Variants in SETBP1 observed in about 807,000 individuals in gnomAD.
SETBP1 encodes SET binding protein 1.
In SETBP1, 9 loss-of-function variants were observed where a neutral mutation model predicts 101.0. That is an observed-to-expected ratio of 0.09 (90% CI 0.05 to 0.16). The LOEUF (loss-of-function observed/expected upper bound fraction) is 0.16. Among genes scored for constraint, SETBP1 ranks in the 10% least tolerant of loss-of-function variants. The probability of loss-of-function intolerance (pLI) is 1.00; values close to 1 mark genes in which losing one functional copy is unlikely to be tolerated. For missense variants in SETBP1, 1,858 were observed against 2,033.8 expected, an observed-to-expected ratio of 0.91 and a Z score of 1.66; for synonymous variants, 818 against 788.5, an observed-to-expected ratio of 1.04 and a Z score of -0.63.
intron 3 of SETBP1, among the ~76,000 whole-genome samples, chr18:44,878,195 A>G (rs2069452960): frequency 6.6e-6 from 1 of 152,214 alleles, no homozygotes; most frequent in South Asian, 2.1e-4. Flanking sequence ...AGTGAGGCCA[A>G]CTGGTTGAAG....
chr18:44,787,726 C>T (rs1336104767), intron 2 of SETBP1, among the ~76,000 whole-genome samples: 12 of 145,788 alleles, frequency 8.2e-5, no homozygotes, highest in African/African-American at 2.3e-4. Context: ...CGGTGGCGGG[C>T]GCCTGTAGTC....
chr18:44,689,644 C>T (rs1021839234), intron 1 of SETBP1, among the ~76,000 whole-genome samples: 9 of 152,046 alleles, frequency 5.9e-5, no homozygotes, highest in African/African-American at 1.7e-4. Flanking sequence ...AGTGGGAGCC[C>T]GAGGGGTTTA....
chr18:44,826,315 C>CA (rs2072236416), intron 2 of SETBP1, among the ~76,000 whole-genome samples: 1 of 152,208 alleles, frequency 6.6e-6, no homozygotes, highest in Non-Finnish European at 1.5e-5. Flanking sequence ...CCACCTCCGT[C>CA]AGTCCCTGGC....
chr18:44,934,303 C>G (rs1033502016), intron 3 of SETBP1, among the ~76,000 whole-genome samples: 1 of 152,150 alleles, frequency 6.6e-6, no homozygotes, highest in Non-Finnish European at 1.5e-5. Context: ...TGCACATCAG[C>G]ATGCCCAGCT....
At chr18:44,879,352 A>G (rs1483409328) in intron 3 of SETBP1, among the ~76,000 whole-genome samples, 1 of 152,206 alleles carries the variant, frequency 6.6e-6, no homozygotes, top group Non-Finnish European at 1.5e-5. Context: ...TTTAACTTTT[A>G]TGGCCAGAGT....
upstream of SETBP1, chr18:44,680,163 G>A (rs889325228): frequency 2.1e-5 from 3 of 142,980 alleles, no homozygotes; most frequent in African/African-American, 7.5e-5. Flanking sequence ...AGGCGGCAGA[G>A]TCGGGCGGGA....
At chr18:45,004,798 G>A (rs538427981) in intron 4 of SETBP1, among the ~76,000 whole-genome samples, 7 of 152,306 alleles carry the variant, frequency 4.6e-5, no homozygotes, top group Admixed American at 2.0e-4. Flanking sequence ...GTCTCTGAAC[G>A]GCAAAGCTCA....
At chr18:44,696,655 G>A (rs1453413330) in intron 1 of SETBP1, among the ~76,000 whole-genome samples, 2 of 152,158 alleles carry the variant, frequency 1.3e-5, no homozygotes, top group Non-Finnish European at 2.9e-5. Context: ...ATTTTGGAGT[G>A]TACCCATAGG....
At chr18:44,953,579 A>G (rs1426969599) in intron 4 of SETBP1, among the ~76,000 whole-genome samples, 1 of 152,214 alleles carries the variant, frequency 6.6e-6, no homozygotes, top group African/African-American at 2.4e-5. Context: ...CATAACCCTA[A>G]TAGCTGCCTA....
At position 44,952,241 on chromosome 18, in the gene SETBP1, C is replaced by T. The variant is rs2071374671; in HGVS notation, c.2901C>T (p.Phe967=). 1 of 1,614,118 alleles carries T rather than the reference C, an allele frequency of 6.2e-7. No homozygotes were observed. The change falls in exon 4 of 6, where the codon TTC becomes TTT. Residue 967 remains phenylalanine (F), a synonymous_variant. Transcript: ENST00000649279. ...LEELITKFQV[F]RISHRSYTFY... is the part of the protein sequence containing the mutation. Reference sequence around the variant, plus strand: ...AGCTAATCACCAAGTTCCAAGTGTTCAGAATCTCCCACCGGAGTTACACCT... The same window carrying T: ...AGCTAATCACCAAGTTCCAAGTGTTTAGAATCTCCCACCGGAGTTACACCT...
At chr18:45,000,085 G>A (rs2072585743) in intron 4 of SETBP1, among the ~76,000 whole-genome samples, 1 of 152,246 alleles carries the variant, frequency 6.6e-6, no homozygotes, top group African/African-American at 2.4e-5. Context: ...TAGTAGCAGT[G>A]CACTCTAACC....
rs546794452 is a variant in SETBP1 at position 44,712,315 on chromosome 18, A to T, written c.486+10483A>T. Among the ~76,000 whole-genome samples, 5 of 152,198 alleles carry T rather than the reference A, an allele frequency of 3.3e-5. No individual in the cohort carries two copies. In the South Asian group the frequency reaches 1.0e-3, roughly 32 times the overall value. ...GCAGCTCTGTCCCTCCAGGTGGGCC[A>T]CCCACCATGTCTTGCCAATAAGAAG... On this transcript the variant is annotated intron_variant, in intron 2 of 5. Coordinates refer to ENST00000649279, the MANE Select transcript of SETBP1 (RefSeq NM_015559.3).
intron 2 of SETBP1, among the ~76,000 whole-genome samples, chr18:44,783,689 A>G (rs1363696454): frequency 6.6e-6 from 1 of 152,206 alleles, no homozygotes; most frequent in Non-Finnish European, 1.5e-5. Context: ...TGATTCTTTC[A>G]GCAATCCTAT....
At chr18:44,904,717 G>C (rs1488854173) in intron 3 of SETBP1, among the ~76,000 whole-genome samples, 3 of 152,176 alleles carry the variant, frequency 2.0e-5, no homozygotes, top group Admixed American at 6.5e-5. Flanking sequence ...TTTCTGGCTA[G>C]TAAGCAATAC....
chr18:44,871,710 A>G (rs575271328), intron 3 of SETBP1: 1 of 152,248 alleles, frequency 6.6e-6, no homozygotes, highest in South Asian at 2.1e-4. Context: ...GGAAGTGATT[A>G]CCTACCTTTC....
intron 2 of SETBP1, among the ~76,000 whole-genome samples, chr18:44,727,891 G>C (rs995916351): frequency 2.0e-5 from 3 of 152,094 alleles, no homozygotes; most frequent in Admixed American, 6.6e-5. Flanking sequence ...AGCTGTGCTA[G>C]AGAGTTAGTG....
chr18:44,856,808 C>T (rs184466778), intron 2 of SETBP1, among the ~76,000 whole-genome samples: 16 of 152,316 alleles, frequency 1.1e-4, no homozygotes, highest in South Asian at 1.0e-3. Flanking sequence ...TTAACATGCA[C>T]ATGTCTTTCA....
intron 4 of SETBP1, among the ~76,000 whole-genome samples, chr18:44,979,225 A>G (rs576644007): frequency 7.4e-4 from 112 of 152,290 alleles, no homozygotes; most frequent in Non-Finnish European, 1.4e-3. Context: ...TCCCTTTGCA[A>G]TCTGAGAGGT....
At chr18:44,726,723 A>G (rs2069715497) in intron 2 of SETBP1, among the ~76,000 whole-genome samples, 1 of 152,224 alleles carries the variant, frequency 6.6e-6, no homozygotes, top group Non-Finnish European at 1.5e-5. Flanking sequence ...AAGTACACAA[A>G]GACTTCATAA....
Sources: gnomAD v4.1 joint callset for allele counts (sites outside exome capture counted in the v4.1 genomes callset) on GRCh38, gnomAD v4.1.1 for gene constraint, MANE v1.5 for transcripts, NCBI Gene and HGNC (gene_info 2026-07-23, HGNC 2026-07-21) for gene names.